The following SBF2 variants were observed in gnomAD, a reference collection of about 807,000 sequenced individuals.
SBF2 encodes the protein myotubularin-related protein 13.
In SBF2, 112 loss-of-function variants were observed where a neutral mutation model predicts 225.2. The observed-to-expected ratio is 0.50, with a 90% CI of 0.43 to 0.58. The LOEUF is 0.58. SBF2 is among the 20% of genes least tolerant of loss of function. SBF2 has a pLI of 0.00. For missense variants in SBF2, 1,996 were observed against 2,206.2 expected (o/e 0.90, Z 1.91); for synonymous variants, 763 against 773.3 (o/e 0.99, Z 0.22).
chr11:9,953,513 T>C (rs1183100576), intron 16 of SBF2, among the ~76,000 whole-genome samples: 1 of 152,186 alleles, frequency 6.6e-6, no homozygotes, highest in Admixed American at 6.5e-5. Flanking sequence ...AAAAAGGAAC[T>C]GAATTAATGG....
At chr11:9,907,573 T>G (rs766024021) in intron 16 of SBF2, among the ~76,000 whole-genome samples, 13 of 152,228 alleles carry the variant, frequency 8.5e-5, no homozygotes, top group Non-Finnish European at 1.8e-4. Context: ...TACAAAACCA[T>G]AAAGGATGTA....
chr11:9,925,749 A>G (rs1220032018), intron 16 of SBF2, among the ~76,000 whole-genome samples: 1 of 152,246 alleles, frequency 6.6e-6, no homozygotes, highest in Non-Finnish European at 1.5e-5. Flanking sequence ...CCCTTAAAAT[A>G]TAGGTCTTAT....
chr11:10,003,375 T>G (rs1198659723), intron 6 of SBF2, among the ~76,000 whole-genome samples: 1 of 149,514 alleles, frequency 6.7e-6, no homozygotes, highest in Non-Finnish European at 1.5e-5. Context: ...CTTTTTTCTT[T>G]TTTTTTTTTT....
chr11:9,984,581 C>CA (rs1947111024), intron 13 of SBF2, among the ~76,000 whole-genome samples: 1 of 152,168 alleles, frequency 6.6e-6, no homozygotes, highest in East Asian at 1.9e-4. Context: ...GCACAAAGAA[C>CA]ACCTGGAAAT....
At chr11:10,001,587 C>G (rs903266442) in intron 7 of SBF2, among the ~76,000 whole-genome samples, 2 of 151,232 alleles carry the variant, frequency 1.3e-5, no homozygotes, top group African/African-American at 2.4e-5. Flanking sequence ...TGTAGTGGTG[C>G]GATCTCGGCT....
intron 17 of SBF2, among the ~76,000 whole-genome samples, chr11:9,872,178 T>C (rs1030622276): frequency 1.3e-5 from 2 of 152,274 alleles, no homozygotes; most frequent in South Asian, 2.1e-4. Flanking sequence ...GGGATATAGA[T>C]GGAGGTGGAA....
In SBF2 at chr11:10,193,923, A is replaced by G; in HGVS notation, c.120T>C (p.Pro40=). The part of the protein sequence containing the change: ...RFPQKDWDDT[P]FPQGIELFCQ... ...TTACCAACTCAATTCCCTGTGGAAAAGGTGTATCATCCCAGTCCTTCTGTG... is the reference window on the plus strand; with the variant it reads ...TTACCAACTCAATTCCCTGTGGAAAGGGTGTATCATCCCAGTCCTTCTGTG... The change falls in exon 2 of 40, where the codon CCT becomes CCC. Residue 40 remains proline (P), a synonymous_variant. Transcript: ENST00000256190. 1 of 1,611,542 alleles carries G rather than the reference A, an allele frequency of 6.2e-7. No individual in the cohort carries two copies.
chr11:10,203,019 T>A (rs1297501019), intron 1 of SBF2, among the ~76,000 whole-genome samples: 1 of 148,030 alleles, frequency 6.8e-6, no homozygotes, highest in East Asian at 2.0e-4. Context: ...GGTAAGAGTT[T>A]CCATGCAGGA....
At chr11:10,025,237 A>T (rs1949007426) in intron 6 of SBF2, among the ~76,000 whole-genome samples, 1 of 152,192 alleles carries the variant, frequency 6.6e-6, no homozygotes, top group South Asian at 2.1e-4. Flanking sequence ...AGACAGTAGC[A>T]TCAAGAATTA....
At chr11:10,030,128 A>AT (rs1949201467) in intron 4 of SBF2, among the ~76,000 whole-genome samples, 1 of 152,232 alleles carries the variant, frequency 6.6e-6, no homozygotes, top group Non-Finnish European at 1.5e-5. Context: ...TTGTGCTCTG[A>AT]TAACTACTCT....
intron 2 of SBF2, among the ~76,000 whole-genome samples, chr11:10,061,154 C>T (rs191181890): frequency 2.6e-5 from 4 of 151,980 alleles, no homozygotes; most frequent in South Asian, 2.1e-4. Flanking sequence ...ATTAAATATC[C>T]CTTCACGTTA....
intron 1 of SBF2, among the ~76,000 whole-genome samples, chr11:10,234,580 T>C (rs924443944): frequency 6.6e-6 from 1 of 152,186 alleles, no homozygotes. Flanking sequence ...GATGATAGTG[T>C]TCCTATCAGA....
chr11:9,999,300 T>C (rs1375485035), intron 8 of SBF2, among the ~76,000 whole-genome samples: 3 of 95,326 alleles, frequency 3.1e-5, no homozygotes, highest in African/African-American at 1.1e-4. Flanking sequence ...TATGTATGTA[T>C]GTATGTATGT....
chr11:10,077,367 A>G (rs987120804), intron 2 of SBF2, among the ~76,000 whole-genome samples: 3 of 152,232 alleles, frequency 2.0e-5, no homozygotes, highest in Non-Finnish European at 4.4e-5. Context: ...CAAAAAGAAC[A>G]AAGCTGGAGG....
chr11:10,206,756 T>A (rs934578408), intron 1 of SBF2, among the ~76,000 whole-genome samples: 1 of 152,056 alleles, frequency 6.6e-6, no homozygotes, highest in African/African-American at 2.4e-5. Flanking sequence ...ATAGAATCAG[T>A]GAACTTGAGG....
In SBF2 at chr11:10,209,038, T is replaced by A. The variant is rs980521079; in HGVS notation, c.56-15051A>T. ...CAAAGGCTATTATGTTAATCTTCCTTAAACAAGAAATTCGTATCTGTTGCA... is the reference window on the plus strand; with the variant it reads ...CAAAGGCTATTATGTTAATCTTCCTAAAACAAGAAATTCGTATCTGTTGCA... On this transcript the variant is annotated intron_variant, in intron 1 of 39. Transcript: ENST00000256190. Among the ~76,000 whole-genome samples, 29 of 152,166 alleles carry A rather than the reference T, an allele frequency of 1.9e-4. 1 individual carries two copies. The highest frequency in any genetic ancestry group is 1.9e-4 in the Non-Finnish European group (13 of 68,032).
intron 16 of SBF2, among the ~76,000 whole-genome samples, chr11:9,949,875 A>G (rs1203094392): frequency 6.6e-6 from 1 of 152,198 alleles, no homozygotes; most frequent in East Asian, 1.9e-4. Context: ...TAAACAATAT[A>G]CATTTTTCAA....
chr11:9,785,334 C>T lies in SBF2; in HGVS notation c.5038-16G>A, dbSNP rs375463472. ...GTCTTTGGGACTGAAAAAGACAGGA[C>T]AGGAGCTAGGAAACCTTTACAGACA... is the stretch of plus-strand genomic sequence containing the variant. On this transcript the variant is annotated splice_polypyrimidine_tract_variant and intron_variant, in intron 36 of 39. Coordinates refer to ENST00000256190, the MANE Select transcript of SBF2 (RefSeq NM_030962.4). The T allele has an allele frequency of 1.2e-6, 2 of 1,610,186 alleles. No individual in the cohort carries two copies. Among genetic ancestry groups the T allele is most frequent in the Non-Finnish European group, 1.7e-6 (2 of 1,176,836 alleles).
chr11:10,067,299 T>C (rs1320954825), intron 2 of SBF2, among the ~76,000 whole-genome samples: 1 of 152,226 alleles, frequency 6.6e-6, no homozygotes, highest in Non-Finnish European at 1.5e-5. Flanking sequence ...AGTCAATCTA[T>C]GTTTGAATAA....
Sources: gnomAD v4.1 joint callset for allele counts (sites outside exome capture counted in the v4.1 genomes callset) on GRCh38, gnomAD v4.1.1 for gene constraint, MANE v1.5 for transcripts, NCBI Gene and HGNC (gene_info 2026-07-23, HGNC 2026-07-21) for gene names.